SAMMSON: variants seen among roughly 807,000 people sequenced by gnomAD.
The protein encoded by SAMMSON is survival associated mitochondrial melanoma specific oncogenic non-coding RNA, also known as long intergenic non-protein coding RNA 1212.
intron 4 of SAMMSON, chr3:70,127,332 T>A (rs2067463225): frequency 6.6e-6 from 1 of 152,166 alleles, no homozygotes; most frequent in Non-Finnish European, 1.5e-5. Flanking sequence ...AGTGGTACAA[T>A]ACCCAGCAAA....
intron 1 of SAMMSON, among the ~76,000 whole-genome samples, chr3:70,010,752 C>G (rs958714242): frequency 7.9e-5 from 12 of 152,154 alleles, no homozygotes; most frequent in African/African-American, 2.7e-4. Context: ...AATTGACTCA[C>G]AGTTCCGCAT....
intron 2 of SAMMSON, among the ~76,000 whole-genome samples, chr3:70,404,617 T>C (rs1701165543): frequency 6.6e-6 from 1 of 152,196 alleles, no homozygotes; most frequent in Non-Finnish European, 1.5e-5. Context: ...GGAGTAGTGA[T>C]AACAGATTTG....
At chr3:70,195,447 A>C (rs1014872474) in intron 4 of SAMMSON, among the ~76,000 whole-genome samples, 1 of 152,232 alleles carries the variant, frequency 6.6e-6, no homozygotes, top group African/African-American at 2.4e-5. Flanking sequence ...GGCAGTTTAC[A>C]AATATTTTTA....
intron 6 of SAMMSON, among the ~76,000 whole-genome samples, chr3:70,257,651 G>T (rs970461836): frequency 6.6e-6 from 1 of 152,188 alleles, no homozygotes; most frequent in Admixed American, 6.5e-5. Flanking sequence ...ATTGCTTAGA[G>T]AAGTTAAAGA....
At chr3:70,171,381 G>A (rs1342670342) in intron 4 of SAMMSON, among the ~76,000 whole-genome samples, 1 of 151,732 alleles carries the variant, frequency 6.6e-6, no homozygotes, top group Non-Finnish European at 1.5e-5. Flanking sequence ...TAACTTCATT[G>A]CCATATATTT....
intron 4 of SAMMSON, among the ~76,000 whole-genome samples, chr3:70,102,454 C>G (rs545805876): frequency 6.6e-6 from 1 of 152,238 alleles, no homozygotes; most frequent in South Asian, 2.1e-4. Flanking sequence ...TTTCTAGGGA[C>G]GTCTGGGATC....
intron 3 of SAMMSON, among the ~76,000 whole-genome samples, chr3:70,033,914 G>T (rs2067074982): frequency 6.6e-6 from 1 of 152,126 alleles, no homozygotes; most frequent in Admixed American, 6.6e-5. Context: ...GGACAGGAGA[G>T]AATTGGGCAC....
intron 9 of SAMMSON, among the ~76,000 whole-genome samples, chr3:70,375,026 T>C (rs571380239): frequency 1.3e-5 from 2 of 152,224 alleles, no homozygotes; most frequent in South Asian, 4.2e-4. Flanking sequence ...ACAGGGCCCG[T>C]ATGTTATATA....
At chr3:70,427,867 T>C (rs923527106) in intron 2 of SAMMSON, among the ~76,000 whole-genome samples, 13 of 152,152 alleles carry the variant, frequency 8.5e-5, no homozygotes, top group African/African-American at 3.1e-4. Context: ...CTTTATCAAC[T>C]GACATGGAAT....
intron 2 of SAMMSON, among the ~76,000 whole-genome samples, chr3:70,419,419 C>T (rs560114105): frequency 6.6e-6 from 1 of 152,192 alleles, no homozygotes; most frequent in African/African-American, 2.4e-5. Context: ...CTTAAGACCT[C>T]CAAATTTTAT....
chr3:70,321,920 A>G (rs1301520059), intron 7 of SAMMSON, among the ~76,000 whole-genome samples: 1 of 152,074 alleles, frequency 6.6e-6, no homozygotes, highest in Admixed American at 6.6e-5. Flanking sequence ...GTAAACGTGA[A>G]GTATTACTTT....
At chr3:70,133,814 A>G (rs1156258045) in intron 4 of SAMMSON, among the ~76,000 whole-genome samples, 3 of 152,172 alleles carry the variant, frequency 2.0e-5, no homozygotes, top group African/African-American at 7.2e-5. Context: ...ACTCAGTCAT[A>G]AATATATGAT....
At chr3:70,011,825 C>A (rs2066957371) in intron 1 of SAMMSON, among the ~76,000 whole-genome samples, 1 of 152,044 alleles carries the variant, frequency 6.6e-6, no homozygotes, top group Non-Finnish European at 1.5e-5. Context: ...GCACAGTGAT[C>A]TCAGACCTAA....
chr3:70,004,392 T>C (rs1243382521), intron 1 of SAMMSON, among the ~76,000 whole-genome samples: 1 of 152,128 alleles, frequency 6.6e-6, no homozygotes, highest in African/African-American at 2.4e-5. Flanking sequence ...CTTGGTACCA[T>C]AAAAAGATAT....
chr3:70,099,813 C>T (rs1272416249), intron 4 of SAMMSON, among the ~76,000 whole-genome samples: 1 of 152,142 alleles, frequency 6.6e-6, no homozygotes, highest in Non-Finnish European at 1.5e-5. Context: ...ACATTTATTA[C>T]TTTTTCATAA....
intron 6 of SAMMSON, among the ~76,000 whole-genome samples, chr3:70,264,157 T>C (rs1701893327): frequency 6.6e-6 from 1 of 152,244 alleles, no homozygotes; most frequent in Non-Finnish European, 1.5e-5. Flanking sequence ...AGCATATGTT[T>C]TGCATTTATT....
At chr3:70,425,400 A>T (rs1701354996) in intron 2 of SAMMSON, among the ~76,000 whole-genome samples, 1 of 150,572 alleles carries the variant, frequency 6.6e-6, no homozygotes, top group Non-Finnish European at 1.5e-5. Context: ...CTATTTTTTT[A>T]TTATTTATTT....
intron 3 of SAMMSON, among the ~76,000 whole-genome samples, chr3:70,035,546 A>G (rs564988799): frequency 6.6e-6 from 1 of 152,296 alleles, no homozygotes; most frequent in South Asian, 2.1e-4. Flanking sequence ...CTAGCAATTC[A>G]GCAAATGTTA....
intron 9 of SAMMSON, among the ~76,000 whole-genome samples, chr3:70,361,264 T>G (rs544474879): frequency 6.6e-6 from 1 of 152,312 alleles, no homozygotes; most frequent in East Asian, 1.9e-4. Context: ...CTTTAAGTAC[T>G]TGGTAAATGG....
Sources: gnomAD v4.1 joint callset for allele counts (sites outside exome capture counted in the v4.1 genomes callset) on GRCh38, gnomAD v4.1.1 for gene constraint, MANE v1.5 for transcripts, NCBI Gene and HGNC (gene_info 2026-07-23, HGNC 2026-07-21) for gene names.